CFAP299: variants seen among roughly 807,000 people sequenced by gnomAD.
The protein encoded by CFAP299 is cilia and flagella associated protein 299.
In CFAP299, 21 loss-of-function variants were observed where a neutral mutation model predicts 27.0. The observed-to-expected ratio is 0.78, with a 90% CI of 0.55 to 1.12. CFAP299 has a LOEUF of 1.12. Ranked by LOEUF, CFAP299 falls within the 50% of genes most tolerant of loss-of-function variation. The probability of loss-of-function intolerance (pLI) is 0.00; values close to 1 mark genes in which losing one functional copy is unlikely to be tolerated. For synonymous variants in CFAP299, 104 were observed against 98.1 expected (o/e 1.06, Z -0.36); for missense variants, 310 against 276.6 (o/e 1.12, Z -0.86).
At chr4:80,637,105 G>A (rs190898104) in intron 3 of CFAP299, among the ~76,000 whole-genome samples, 2 of 152,204 alleles carry the variant, frequency 1.3e-5, no homozygotes, top group East Asian at 3.9e-4. Context: ...ACAAAGAATA[G>A]TTCTATCATA....
At chr4:80,425,110 T>C (rs1434282528) in intron 2 of CFAP299, among the ~76,000 whole-genome samples, 1 of 152,128 alleles carries the variant, frequency 6.6e-6, no homozygotes, top group African/African-American at 2.4e-5. Context: ...AAAAAGCGTG[T>C]GTTATAAATT....
chr4:80,622,829 A>G (rs1297243934), intron 3 of CFAP299, among the ~76,000 whole-genome samples: 1 of 152,152 alleles, frequency 6.6e-6, no homozygotes, highest in Non-Finnish European at 1.5e-5. Context: ...ACTCCATGCA[A>G]TACTTGAAAC....
the CFAP299 span, among the ~76,000 whole-genome samples, chr4:80,323,873 A>G: frequency 6.6e-6 from 1 of 152,272 alleles, no homozygotes; most frequent in Non-Finnish European, 1.5e-5. Context: ...TAGGTTAATT[A>G]GAATGATTGC....
rs1722088168 is a variant in CFAP299, at chr4:80,710,499, T to TA, written c.333+127316_333+127317insA. ...TTTCTTTTTCTTTTTTTTTTTTTTT[T>TA]TAAAAAAAAAAAGGTAAGTTGGAAT... On this transcript the variant is annotated intron_variant, in intron 3 of 5. Transcript: ENST00000358105. 1.0e-4 allele frequency among the ~76,000 whole-genome samples: 11 copies of TA among 107,606 alleles called. 1 individual carries two copies. The South Asian group carries it at 3.3e-3, about 32-fold the overall frequency. 70.6% of individuals were successfully genotyped at this position (107,606 alleles called of 152,430 possible).
chr4:80,723,345 A>G (rs1296962470), intron 3 of CFAP299, among the ~76,000 whole-genome samples: 1 of 152,190 alleles, frequency 6.6e-6, no homozygotes, highest in African/African-American at 2.4e-5. Flanking sequence ...AAACAATACA[A>G]ACATACATCA....
intron 3 of CFAP299, among the ~76,000 whole-genome samples, chr4:80,729,330 T>C (rs1376387191): frequency 6.6e-6 from 1 of 152,166 alleles, no homozygotes; most frequent in Admixed American, 6.5e-5. Context: ...AAGATGGCTC[T>C]CAATGATCCA....
intron 3 of CFAP299, among the ~76,000 whole-genome samples, chr4:80,813,984 A>C (rs1729293701): frequency 1.3e-5 from 2 of 152,044 alleles, no homozygotes; most frequent in South Asian, 4.1e-4. Flanking sequence ...TCTAGCTAAT[A>C]AATTATGTTT....
At chr4:80,571,196 C>T (rs1425715382) in intron 2 of CFAP299, among the ~76,000 whole-genome samples, 1 of 151,978 alleles carries the variant, frequency 6.6e-6, no homozygotes, top group Admixed American at 6.6e-5. Flanking sequence ...CGGCTTCTAT[C>T]TAAAGTATTG....
chr4:80,778,601 A>G (rs1726684815), intron 3 of CFAP299, among the ~76,000 whole-genome samples: 1 of 152,050 alleles, frequency 6.6e-6, no homozygotes, highest in African/African-American at 2.4e-5. Flanking sequence ...TTAAGCTCTT[A>G]CTAGATGACT....
intron 3 of CFAP299, among the ~76,000 whole-genome samples, chr4:80,642,994 G>A (rs902161793): frequency 5.3e-5 from 8 of 151,546 alleles, no homozygotes; most frequent in Non-Finnish European, 1.0e-4. Flanking sequence ...CCTAAGAGAC[G>A]TTAAATTAAA....
chr4:80,954,213 T>C (rs564738216), intron 5 of CFAP299, among the ~76,000 whole-genome samples: 23 of 152,280 alleles, frequency 1.5e-4, no homozygotes, highest in Admixed American at 1.3e-3. Flanking sequence ...CATGGTGTCA[T>C]TGCAGGTGCA....
upstream of CFAP299, among the ~76,000 whole-genome samples, chr4:80,334,356 A>C (rs2109960199): frequency 6.6e-6 from 1 of 152,302 alleles, no homozygotes; most frequent in South Asian, 2.1e-4. Context: ...TGTTTCTTAA[A>C]AGTGATGAAA....
chr4:80,426,102 A>C (rs1388442123), intron 2 of CFAP299, among the ~76,000 whole-genome samples: 1 of 151,892 alleles, frequency 6.6e-6, no homozygotes, highest in Non-Finnish European at 1.5e-5. Context: ...AGCCTAATAG[A>C]GTTACCAGAG....
intron 2 of CFAP299, among the ~76,000 whole-genome samples, chr4:80,389,530 A>G (rs1402185892): frequency 1.3e-5 from 2 of 152,208 alleles, no homozygotes; most frequent in African/African-American, 4.8e-5. Flanking sequence ...ATTGAATGGT[A>G]TTTGAGGAGT....
intron 3 of CFAP299, among the ~76,000 whole-genome samples, chr4:80,814,173 G>A (rs1729305235): frequency 6.6e-6 from 1 of 152,000 alleles, no homozygotes. Context: ...ATTTTGGCAA[G>A]TGTGTTTGAA....
At chr4:80,858,498 GT>G (rs1214614105) in intron 3 of CFAP299, among the ~76,000 whole-genome samples, 1 of 152,100 alleles carries the variant, frequency 6.6e-6, no homozygotes, top group Non-Finnish European at 1.5e-5. Flanking sequence ...TAATTGTGAT[GT>G]TGGGGTGTCA....
At chr4:80,605,436 A>T (rs570444415) in intron 3 of CFAP299, among the ~76,000 whole-genome samples, 1 of 152,314 alleles carries the variant, frequency 6.6e-6, no homozygotes, top group South Asian at 2.1e-4. Context: ...TTTACTTTAA[A>T]TACAGACTGG....
chr4:80,490,008 C>T (rs1448821504), intron 2 of CFAP299, among the ~76,000 whole-genome samples: 1 of 152,108 alleles, frequency 6.6e-6, no homozygotes, highest in Admixed American at 6.5e-5. Context: ...TTACATTAGT[C>T]TCTTGGGGGT....
At chr4:80,401,904 C>T (rs367607264) in intron 2 of CFAP299, among the ~76,000 whole-genome samples, 199 of 152,274 alleles carry the variant, frequency 1.3e-3, no homozygotes, top group African/African-American at 4.3e-3. Flanking sequence ...TGGGAACCCA[C>T]GTCTTGAATC....
Sources: gnomAD v4.1 joint callset for allele counts (sites outside exome capture counted in the v4.1 genomes callset) on GRCh38, gnomAD v4.1.1 for gene constraint, MANE v1.5 for transcripts, NCBI Gene and HGNC (gene_info 2026-07-23, HGNC 2026-07-21) for gene names.